GRIN2A: variants seen among roughly 807,000 people sequenced by gnomAD.
The protein encoded by GRIN2A is glutamate ionotropic receptor NMDA type subunit 2A.
GRIN2A carries 22 observed loss-of-function variants against 113.4 expected under a neutral mutation model. That is an observed-to-expected ratio of 0.19 (90% CI 0.14 to 0.28). GRIN2A has a LOEUF of 0.28. Among genes scored for constraint, GRIN2A ranks in the 10% least tolerant of loss-of-function variants. The probability of loss-of-function intolerance (pLI) is 1.00; values close to 1 mark genes in which losing one functional copy is unlikely to be tolerated. For synonymous variants in GRIN2A, 827 were observed against 738.4 expected, an observed-to-expected ratio of 1.12 and a Z score of -1.94; for missense variants, 1,502 against 1,887.0, an observed-to-expected ratio of 0.80 and a Z score of 3.78.
intron 2 of GRIN2A, among the ~76,000 whole-genome samples, chr16:9,956,004 C>T (rs768251084): frequency 2.6e-5 from 4 of 152,164 alleles, no homozygotes; most frequent in Non-Finnish European, 4.4e-5. Flanking sequence ...CCCCTTAAAG[C>T]GGCTTGCAAC....
intron 2 of GRIN2A, among the ~76,000 whole-genome samples, chr16:10,000,052 C>T (rs997179954): frequency 1.3e-5 from 2 of 152,050 alleles, no homozygotes; most frequent in Non-Finnish European, 2.9e-5. Context: ...CCTCTGTTTC[C>T]TCTACCTTCA....
intron 2 of GRIN2A, among the ~76,000 whole-genome samples, chr16:10,072,966 T>TC (rs34421012): frequency 0.12 from 16,617 of 141,852 alleles, 1,403 homozygotes; most frequent in East Asian, 0.39. Context: ...TTTTTTTTTT[T>TC]TGAGACAGAG....
chr16:10,106,508 G>C (rs2048504465), intron 2 of GRIN2A, among the ~76,000 whole-genome samples: 1 of 151,918 alleles, frequency 6.6e-6, no homozygotes, highest in Non-Finnish European at 1.5e-5. Flanking sequence ...TCACACGTGA[G>C]GTTGTTCACA....
chr16:10,047,113 A>T (rs896834821), intron 2 of GRIN2A, among the ~76,000 whole-genome samples: 3 of 152,230 alleles, frequency 2.0e-5, no homozygotes, highest in Non-Finnish European at 4.4e-5. Context: ...GAAGGATAAA[A>T]TTACTTCACA....
chr16:10,085,282 C>G (rs144073407), intron 2 of GRIN2A, among the ~76,000 whole-genome samples: 8 of 152,110 alleles, frequency 5.3e-5, no homozygotes, highest in Non-Finnish European at 1.0e-4. Flanking sequence ...TCAAAGGAGG[C>G]AAGGTGAGAC....
At chr16:9,958,032 G>T (rs923323293) in intron 2 of GRIN2A, among the ~76,000 whole-genome samples, 1 of 152,190 alleles carries the variant, frequency 6.6e-6, no homozygotes, top group African/African-American at 2.4e-5. Context: ...GTGATAAACT[G>T]CTTTAGAATC....
intron 2 of GRIN2A, among the ~76,000 whole-genome samples, chr16:10,157,953 A>G (rs1328194775): frequency 2.6e-5 from 4 of 152,052 alleles, no homozygotes; most frequent in Non-Finnish European, 5.9e-5. Context: ...ACTGGTTTTC[A>G]TTATTGGCAG....
At chr16:10,002,381 A>G (rs980018986) in intron 2 of GRIN2A, among the ~76,000 whole-genome samples, 4 of 152,220 alleles carry the variant, frequency 2.6e-5, no homozygotes, top group Non-Finnish European at 5.9e-5. Flanking sequence ...GAAACACCTA[A>G]TCTGTGGAAT....
intron 2 of GRIN2A, among the ~76,000 whole-genome samples, chr16:10,176,430 G>A (rs1262561627): frequency 6.6e-6 from 1 of 152,058 alleles, no homozygotes; most frequent in Non-Finnish European, 1.5e-5. Flanking sequence ...CATTTCAATT[G>A]TTATAAGGCT....
At chr16:9,813,930 A>C (rs989235823) in intron 10 of GRIN2A, among the ~76,000 whole-genome samples, 1 of 152,112 alleles carries the variant, frequency 6.6e-6, no homozygotes, top group Admixed American at 6.6e-5. Flanking sequence ...CTGGAAATGA[A>C]CCATTTGTGT....
chr16:9,948,252 T>C (rs2045070065), intron 2 of GRIN2A, among the ~76,000 whole-genome samples: 1 of 152,228 alleles, frequency 6.6e-6, no homozygotes, highest in South Asian at 2.1e-4. Context: ...AATATTTCTA[T>C]TCCCATTCTA....
chr16:9,888,360 G>T (rs1159663050), intron 4 of GRIN2A, among the ~76,000 whole-genome samples: 1 of 152,136 alleles, frequency 6.6e-6, no homozygotes, highest in Non-Finnish European at 1.5e-5. Context: ...GAGGCTCACA[G>T]ATCACAAAAA....
chr16:9,800,980 G>C (rs1268783061), intron 10 of GRIN2A, among the ~76,000 whole-genome samples: 1 of 152,186 alleles, frequency 6.6e-6, no homozygotes, highest in Non-Finnish European at 1.5e-5. Context: ...AAAGGAACCT[G>C]AGTTCTAGTC....
chr16:10,090,289 A>T (rs1596494298), intron 2 of GRIN2A, among the ~76,000 whole-genome samples: 2 of 152,350 alleles, frequency 1.3e-5, no homozygotes, highest in East Asian at 3.9e-4. Flanking sequence ...CCCTCATTTC[A>T]AACATATTAC....
chr16:9,759,688 G>A lies in GRIN2A; in HGVS notation c.*3461C>T. 1 of 229,750 alleles carries A rather than the reference G, an allele frequency of 4.4e-6. No homozygotes were observed. The highest frequency in any genetic ancestry group is 8.6e-6 in the Non-Finnish European group (1 of 115,878). The allele number at this position is 229,750 out of a possible 1,614,324, so 14.2% of individuals were successfully genotyped here. ...TCCGTGGATGCCCAGTCATGGTGCT[G>A]GCTAAAATAACGCAGAGAGATTTGC... On this transcript the variant is annotated 3_prime_UTR_variant, in exon 13 of 13. Transcript: ENST00000330684.
At chr16:10,043,634 T>A (rs1381613330) in intron 2 of GRIN2A, among the ~76,000 whole-genome samples, 1 of 152,038 alleles carries the variant, frequency 6.6e-6, no homozygotes, top group African/African-American at 2.4e-5. Flanking sequence ...CAGTCAAGGC[T>A]CCCTGCTCTG....
chr16:9,831,424 ACACT>A (rs2042490889), intron 8 of GRIN2A, among the ~76,000 whole-genome samples: 1 of 150,124 alleles, frequency 6.7e-6, no homozygotes, highest in South Asian at 2.1e-4. Flanking sequence ...TTGTCCCCAC[ACACT>A]ATCTGGATAG....
intron 2 of GRIN2A, among the ~76,000 whole-genome samples, chr16:9,967,620 C>T (rs1158409804): frequency 2.0e-5 from 3 of 152,044 alleles, no homozygotes; most frequent in Non-Finnish European, 4.4e-5. Flanking sequence ...GCAGTAGAAT[C>T]GCTTGAACCT....
At position 9,878,582 on chromosome 16, in the gene GRIN2A, T is replaced by C. The variant is rs115358729; in HGVS notation, c.1122+12404A>G. Among the ~76,000 whole-genome samples, 1,091 of 152,294 alleles carry C rather than the reference T, an allele frequency of 7.2e-3. 17 individuals carry two copies. Among genetic ancestry groups the C allele is most frequent in the African/African-American group, 0.025 (1,031 of 41,550 alleles). ...CAACTAATGGTAGCTGCTGCCCTCA[T>C]GATCATCCCATCCATCAAGAACATC... On this transcript the variant is annotated intron_variant, in intron 4 of 12. Coordinates refer to ENST00000330684, the MANE Select transcript of GRIN2A (RefSeq NM_001134407.3).
Sources: gnomAD v4.1 joint callset for allele counts (sites outside exome capture counted in the v4.1 genomes callset) on GRCh38, gnomAD v4.1.1 for gene constraint, MANE v1.5 for transcripts, NCBI Gene and HGNC (gene_info 2026-07-23, HGNC 2026-07-21) for gene names.